FHIT: variants seen among roughly 807,000 people sequenced by gnomAD.
FHIT encodes fragile histidine triad diadenosine triphosphatase, also known as bis(5'-adenosyl)-triphosphatase.
A neutral mutation model predicts 17.9 loss-of-function variants in FHIT; 19 were observed. The ratio of observed to expected loss-of-function variants is 1.06; its 90% CI spans 0.74 to 1.56. The LOEUF (loss-of-function observed/expected upper bound fraction) is 1.56, where lower values mean the gene tolerates loss of function less well. Ranked by LOEUF, FHIT falls within the 40% of genes most tolerant of loss-of-function variation. The probability of loss-of-function intolerance (pLI) is 0.00; values close to 1 mark genes in which losing one functional copy is unlikely to be tolerated. For missense variants in FHIT, 248 were observed against 189.2 expected (o/e 1.31, Z -1.82); for synonymous variants, 81 against 69.7 (o/e 1.16, Z -0.81).
intron 5 of FHIT, among the ~76,000 whole-genome samples, chr3:60,244,023 T>C (rs1309347518): frequency 1.3e-5 from 2 of 152,078 alleles, no homozygotes; most frequent in Non-Finnish European, 2.9e-5. Flanking sequence ...CATTCTCCTT[T>C]ACTTCTACCA....
chr3:60,738,826 C>A (rs1440136114), intron 4 of FHIT, among the ~76,000 whole-genome samples: 1 of 152,362 alleles, frequency 6.6e-6, no homozygotes, highest in African/African-American at 2.4e-5. Flanking sequence ...AAGGCCCCAA[C>A]CTCAAGCCTG....
At chr3:60,672,904 T>TGTGC (rs1553694364) in intron 4 of FHIT, among the ~76,000 whole-genome samples, 24 of 151,346 alleles carry the variant, frequency 1.6e-4, no homozygotes, top group African/African-American at 5.9e-4. Flanking sequence ...TGTGTGTGTG[T>TGTGC]GTGCATGCAT....
At chr3:60,243,666 G>A (rs185799390) in intron 5 of FHIT, among the ~76,000 whole-genome samples, 10 of 152,220 alleles carry the variant, frequency 6.6e-5, no homozygotes, top group Non-Finnish European at 1.2e-4. Context: ...CTTGAACAGG[G>A]TAACACCTAC....
chr3:61,005,557 G>A (rs554709958), intron 3 of FHIT, among the ~76,000 whole-genome samples: 4 of 152,208 alleles, frequency 2.6e-5, no homozygotes, highest in South Asian at 2.1e-4. Flanking sequence ...CAACAGACAC[G>A]AAGAATTCCT....
chr3:60,585,849 T>G (rs1377704767), intron 4 of FHIT, among the ~76,000 whole-genome samples: 1 of 152,008 alleles, frequency 6.6e-6, no homozygotes, highest in Non-Finnish European at 1.5e-5. Flanking sequence ...TTTACTATTT[T>G]TTTTAATTCC....
intron 5 of FHIT, among the ~76,000 whole-genome samples, chr3:60,392,722 T>A (rs1186585526): frequency 2.0e-5 from 3 of 152,074 alleles, no homozygotes; most frequent in Non-Finnish European, 4.4e-5. Flanking sequence ...TGGAACCTGG[T>A]TTTACCCGCA....
chr3:60,414,671 G>A (rs918878149), intron 5 of FHIT, among the ~76,000 whole-genome samples: 1 of 152,146 alleles, frequency 6.6e-6, no homozygotes, highest in Admixed American at 6.5e-5. Flanking sequence ...GATGTTATCA[G>A]AGCATATTTA....
At chr3:60,010,029 A>G (rs1700080241) in intron 7 of FHIT, among the ~76,000 whole-genome samples, 2 of 152,220 alleles carry the variant, frequency 1.3e-5, no homozygotes, top group South Asian at 4.1e-4. Flanking sequence ...ATGCCTCTAC[A>G]GTATCGCTTT....
At chr3:60,031,396 T>C (rs1420398054) in intron 5 of FHIT, among the ~76,000 whole-genome samples, 26 of 152,200 alleles carry the variant, frequency 1.7e-4, no homozygotes, top group Admixed American at 1.7e-3. Flanking sequence ...GCAGTCATTC[T>C]AGGAAGGAGG....
intron 5 of FHIT, among the ~76,000 whole-genome samples, chr3:60,495,121 C>A (rs896852669): frequency 2.0e-5 from 3 of 152,162 alleles, no homozygotes; most frequent in African/African-American, 7.2e-5. Flanking sequence ...TCTCTACATC[C>A]CCGCCAGCAT....
intron 4 of FHIT, among the ~76,000 whole-genome samples, chr3:60,702,632 G>A (rs1553702487): frequency 6.6e-6 from 1 of 151,988 alleles, no homozygotes; most frequent in Non-Finnish European, 1.5e-5. Context: ...TAGTAACTGT[G>A]TAACAGTCAT....
At chr3:60,060,295 C>A (rs1261106299) in intron 5 of FHIT, among the ~76,000 whole-genome samples, 3 of 152,138 alleles carry the variant, frequency 2.0e-5, no homozygotes, top group Non-Finnish European at 4.4e-5. Flanking sequence ...TTCTAGCTAT[C>A]TCAAAACCAA....
At chr3:60,950,770 G>A (rs184536002) in intron 3 of FHIT, among the ~76,000 whole-genome samples, 12 of 151,764 alleles carry the variant, frequency 7.9e-5, no homozygotes, top group East Asian at 5.8e-4. Context: ...TGATCCACCC[G>A]CCTCGGCCTT....
chr3:60,091,327 T>C (rs1360945974), intron 5 of FHIT, among the ~76,000 whole-genome samples: 2 of 152,090 alleles, frequency 1.3e-5, no homozygotes, highest in Non-Finnish European at 2.9e-5. Context: ...GGGTCTTTGG[T>C]TTATTGACAA....
At chr3:60,387,058 G>A (rs1455268871) in intron 5 of FHIT, among the ~76,000 whole-genome samples, 1 of 140,360 alleles carries the variant, frequency 7.1e-6, no homozygotes, top group Admixed American at 7.7e-5. Context: ...CGCTATCTCA[G>A]CTCACTGCAA....
chr3:60,271,877 A>G (rs991311302), intron 5 of FHIT, among the ~76,000 whole-genome samples: 13 of 152,352 alleles, frequency 8.5e-5, no homozygotes, highest in African/African-American at 2.6e-4. Context: ...ATTGCTGACC[A>G]TAATTGTTAA....
intron 3 of FHIT, among the ~76,000 whole-genome samples, chr3:61,000,427 C>G (rs754488046): frequency 6.6e-6 from 1 of 152,156 alleles, no homozygotes; most frequent in Non-Finnish European, 1.5e-5. Flanking sequence ...ATTAAAAGGT[C>G]AAAGCATATA....
At chr3:60,277,968 CA>C (rs1300010519) in intron 5 of FHIT, among the ~76,000 whole-genome samples, 1 of 152,122 alleles carries the variant, frequency 6.6e-6, no homozygotes, top group African/African-American at 2.4e-5. Flanking sequence ...TTAGATTCAG[CA>C]GAGAACTGAG....
chr3:60,717,399 T>G (rs1430552297), intron 4 of FHIT, among the ~76,000 whole-genome samples: 2 of 152,122 alleles, frequency 1.3e-5, no homozygotes, highest in Non-Finnish European at 2.9e-5. Flanking sequence ...TATACATATA[T>G]CAAAACATCA....
Sources: gnomAD v4.1 joint callset for allele counts (sites outside exome capture counted in the v4.1 genomes callset) on GRCh38, gnomAD v4.1.1 for gene constraint, MANE v1.5 for transcripts, NCBI Gene and HGNC (gene_info 2026-07-23, HGNC 2026-07-21) for gene names.